Variants in AP3B2 observed in about 807,000 individuals in gnomAD.
The protein encoded by AP3B2 is AP-3 complex subunit beta-2.
AP3B2 carries 50 observed loss-of-function variants against 126.9 expected under a neutral mutation model. The observed-to-expected ratio is 0.39, with a 90% confidence interval of 0.31 to 0.50. The LOEUF is 0.50. Among genes scored for constraint, AP3B2 ranks in the 20% least tolerant of loss-of-function variants. The pLI is 0.79. For missense variants in AP3B2, 1,177 were observed against 1,426.4 expected (o/e 0.83, Z 2.82); for synonymous variants, 541 against 565.0 (o/e 0.96, Z 0.60).
chr15:82,706,491 G>A (rs896048311), intron 1 of AP3B2, among the ~76,000 whole-genome samples: 1 of 152,202 alleles, frequency 6.6e-6, no homozygotes, highest in South Asian at 2.1e-4. Context: ...TCACTGCAAG[G>A]GCCATCAAAA....
In AP3B2 at chr15:82,663,939, C is replaced by G; in HGVS notation, c.2298G>C (p.Lys766Asn). The change falls in exon 20 of 27, where the codon AAG (lysine) becomes AAC (asparagine). Residue 766 changes from lysine (K) to asparagine (N), a missense_variant. Physicochemically the swap from Lys to Asn is moderately conservative, Grantham distance 94 (BLOSUM62 0). This residue lies in a region of AP3B2 where 587 missense variants were observed against 571.3 expected (regional missense o/e 1.03). Transcript: ENST00000535359. ...CTCCTTTTCTCTCTGGCACCTTCTTCTTTGTCTTCCTCTTACCATCCTCCT... is the reference window on the plus strand; with the variant it reads ...CTCCTTTTCTCTCTGGCACCTTCTTGTTTGTCTTCCTCTTACCATCCTCCT... ...QSEEDGKRKT[K>N]KKVPERKGEA... 1 of 1,608,414 alleles carries G rather than the reference C, an allele frequency of 6.2e-7. No homozygotes were observed. The highest frequency in any genetic ancestry group is 8.5e-7 in the Non-Finnish European group (1 of 1,179,800).
intron 14 of AP3B2, among the ~76,000 whole-genome samples, 200 bp downstream of exon 14, chr15:82,676,261 C>CT (rs1319466819): frequency 6.6e-6 from 1 of 152,094 alleles, no homozygotes; most frequent in Admixed American, 6.5e-5. Flanking sequence ...AGAGTCTCTT[C>CT]AACAGTGACC....
At chr15:82,690,969 C>T (rs972743306) in intron 1 of AP3B2, among the ~76,000 whole-genome samples, 8 of 90,542 alleles carry the variant, frequency 8.8e-5, no homozygotes, top group South Asian at 7.9e-4. Flanking sequence ...CATGAGCCAC[C>T]GCACCCAGCC....
intron 14 of AP3B2, 79 bp downstream of exon 14, chr15:82,676,382 C>T: frequency 6.8e-7 from 1 of 1,476,670 alleles, no homozygotes; most frequent in Non-Finnish European, 9.2e-7. Flanking sequence ...TTCAGCCCTG[C>T]CTAGGGAGGG....
At chr15:82,694,404 G>C (rs1388938694) in intron 1 of AP3B2, among the ~76,000 whole-genome samples, 1 of 151,884 alleles carries the variant, frequency 6.6e-6, no homozygotes, top group Middle Eastern at 3.2e-3. Flanking sequence ...AAGAACCACA[G>C]GCCAGGCATG....
chr15:82,663,011 G>A (rs1038902229), intron 22 of AP3B2, 89 bp from the exon 23 acceptor site: 2 of 1,509,038 alleles, frequency 1.3e-6, no homozygotes, highest in Middle Eastern at 2.3e-4. Context: ...CAGCAGCTGG[G>A]ACTCAAAGCT....
intron 1 of AP3B2, among the ~76,000 whole-genome samples, chr15:82,700,397 C>CGTTTTTTTTTTTTTTT (rs2048699907): frequency 2.9e-5 from 1 of 35,086 alleles, no homozygotes; most frequent in Non-Finnish European, 5.1e-5. Context: ...TGGTGGGTGG[C>CGTTTTTTTTTTTTTTT]TTTTTTTTTT....
intron 1 of AP3B2, chr15:82,691,737 A>G: frequency 6.3e-7 from 1 of 1,582,416 alleles, no homozygotes; most frequent in Non-Finnish European, 8.6e-7. Context: ...TAGGGCCTGA[A>G]AGGAGAGAAG....
chr15:82,668,871 A>T (rs951140396), intron 14 of AP3B2, among the ~76,000 whole-genome samples: 2 of 152,266 alleles, frequency 1.3e-5, no homozygotes, highest in Non-Finnish European at 2.9e-5. Flanking sequence ...AGGAATTTTA[A>T]GCAGGAAACA....
chr15:82,676,368 A>G (rs2048242361), intron 14 of AP3B2, 93 bp downstream of exon 14: 1 of 1,317,586 alleles, frequency 7.6e-7, no homozygotes. Context: ...AATAGGAGCT[A>G]GAGTTCAGCC....
chr15:82,667,010 C>A (rs781702990), intron 14 of AP3B2, 77 bp from the exon 15 acceptor site: 1 of 1,459,126 alleles, frequency 6.9e-7, no homozygotes, highest in Non-Finnish European at 9.4e-7. Flanking sequence ...TTCTTTAAGC[C>A]GACACTTTCA....
chr15:82,674,609 A>G (rs2048213984), intron 14 of AP3B2, among the ~76,000 whole-genome samples: 1 of 152,234 alleles, frequency 6.6e-6, no homozygotes, highest in Admixed American at 6.5e-5. Context: ...GGCTGTGAGT[A>G]TCTGGAGACC....
rs759907812 is a variant in AP3B2 at position 82,677,417 on chromosome 15, A to T, written c.1379-34T>A. On this transcript the variant is annotated intron_variant, in intron 12 of 26. Coordinates refer to ENST00000535359, the MANE Select transcript of AP3B2 (RefSeq NM_001278512.2). ...CAAAAATGAGTGTGTGGACCCCAAG[A>T]CAGTCAGATGGCCACACTCAGGTGG... The T allele has an allele frequency of 4.4e-6, 7 of 1,586,232 alleles. No individual in the cohort carries two copies. The East Asian group carries it at 1.6e-4, about 36-fold the overall frequency.
At position 82,681,266 on chromosome 15, in the gene AP3B2, C is replaced by T; in HGVS notation, c.522-88G>A. The T allele has an allele frequency of 6.5e-7, 1 of 1,530,202 alleles. No individual in the cohort carries two copies. Among genetic ancestry groups the T allele is most frequent in the East Asian group, 2.4e-5 (1 of 41,906 alleles). The allele number at this position is 1,530,202 out of a possible 1,614,324, so 94.8% of individuals were successfully genotyped here. On this transcript the variant is annotated intron_variant, in intron 5 of 26. Coordinates refer to ENST00000535359, the MANE Select transcript of AP3B2 (RefSeq NM_001278512.2). This position sits in a 1 kb window ranked among gnomAD's most constrained non-coding sequence, Gnocchi z 4.0. ...CAAGCCATGCTCACCTCCTGCACCCCAGCCTTATTGTTCTCCTCCATCTCT... is the reference window on the plus strand; with the variant it reads ...CAAGCCATGCTCACCTCCTGCACCCTAGCCTTATTGTTCTCCTCCATCTCT...
At chr15:82,693,437 G>T (rs938874636) in intron 1 of AP3B2, among the ~76,000 whole-genome samples, 1 of 151,370 alleles carries the variant, frequency 6.6e-6, no homozygotes, top group Non-Finnish European at 1.5e-5. Flanking sequence ...AGTAGAGACA[G>T]GGTTTCACCA....
At chr15:82,670,095 A>AAAAG (rs2048127629) in intron 14 of AP3B2, among the ~76,000 whole-genome samples, 1 of 84,312 alleles carries the variant, frequency 1.2e-5, no homozygotes, top group Non-Finnish European at 2.5e-5. Flanking sequence ...AAAAAAAATC[A>AAAAG]GTGGCTTTTT....
chr15:82,659,463 G>A lies in AP3B2; in HGVS notation c.*97C>T, dbSNP rs1279231237. ...CCCTGAATGCTATCTGGCATGAGGAGGATGATGAGAGAGAGAGAGAAAGAT... is the reference window on the plus strand; with the variant it reads ...CCCTGAATGCTATCTGGCATGAGGAAGATGATGAGAGAGAGAGAGAAAGAT... On this transcript the variant is annotated 3_prime_UTR_variant, in exon 27 of 27. Coordinates refer to ENST00000535359, the MANE Select transcript of AP3B2 (RefSeq NM_001278512.2). The A allele has an allele frequency of 2.0e-6, 3 of 1,496,338 alleles. No individual in the cohort carries two copies. Among genetic ancestry groups the A allele is most frequent in the East Asian group, 4.5e-5 (2 of 43,968 alleles). 92.7% of individuals were successfully genotyped at this position (1,496,338 alleles called of 1,614,324 possible). A position where few individuals can be genotyped will look rare whatever the true frequency, so the allele number is the denominator to read the frequency against.
chr15:82,664,337 C>A lies in AP3B2; in HGVS notation c.2261+30G>T. On this transcript the variant is annotated intron_variant, in intron 19 of 26. Transcript: ENST00000535359. This position sits in a 1 kb window ranked among gnomAD's most constrained non-coding sequence, Gnocchi z 4.5. Reference sequence around the variant, plus strand: ...CTTTCCAGGAAAGCCCCCTGAACCCCACCAGCCATCTGGCTAGCTCCCTTC... The same window carrying A: ...CTTTCCAGGAAAGCCCCCTGAACCCAACCAGCCATCTGGCTAGCTCCCTTC... 3 of 1,613,338 alleles carry A rather than the reference C, an allele frequency of 1.9e-6. No homozygotes were observed. Among genetic ancestry groups the A allele is most frequent in the African/African-American group, 2.7e-5 (2 of 75,028 alleles).
Position 82,680,593 on chromosome 15 carries a change from G to T in AP3B2, c.934C>A (p.Leu312Met). 2 of 1,595,142 alleles carry T rather than the reference G, an allele frequency of 1.3e-6. No homozygotes were observed. Among genetic ancestry groups the T allele is most frequent in the Non-Finnish European group, 1.7e-6 (2 of 1,177,288 alleles). Residue 312 changes from leucine (L) to methionine (M), a missense_variant, in exon 8 of 27, where the codon CTG becomes ATG. Leu to Met is a conservative substitution (Grantham distance 15). This residue lies in a region of AP3B2 where 308 missense variants were observed against 452.4 expected (regional missense o/e 0.68). Transcript: ENST00000535359. The surrounding 1 kb of genome is among the most constrained non-coding windows in gnomAD (Gnocchi z 6.1). The stretch of plus-strand genomic sequence containing the variant: ...ACCGCGGCGCTGCGGCTCTGCAGCA[G>T]GGGTTTGGTGTTGCGCAGCAGCAGC... ...HRLLLRNTKPLLQSRSAAVVM... is the reference protein window; with the variant it reads ...HRLLLRNTKPMLQSRSAAVVM...
Sources: allele counts gnomAD v4.1 joint callset (sites outside exome capture counted in the v4.1 genomes callset), GRCh38; gene constraint gnomAD v4.1.1; regional missense constraint gnomAD v4.1.1; non-coding constraint Gnocchi (gnomAD v3.1); transcripts MANE v1.5; gene names NCBI Gene and HGNC (gene_info 2026-07-23, HGNC 2026-07-21).